The following NTM variants were observed in gnomAD, a reference collection of about 807,000 sequenced individuals.
NTM encodes neurotrimin, also known as IgLON family member 2.
In NTM, 13 loss-of-function variants were observed where a neutral mutation model predicts 42.1. That is an observed-to-expected ratio of 0.31 (90% confidence interval 0.20 to 0.49). NTM has a LOEUF of 0.49. Among genes scored for constraint, NTM ranks in the 20% least tolerant of loss-of-function variants. NTM has a pLI of 0.99. For synonymous variants in NTM, 187 were observed against 179.2 expected (o/e 1.04, Z -0.35); for missense variants, 373 against 452.8 (o/e 0.82, Z 1.60).
chr11:131,409,320 G>A (rs1946129596), intron 1 of NTM, among the ~76,000 whole-genome samples: 1 of 152,230 alleles, frequency 6.6e-6, no homozygotes, highest in Non-Finnish European at 1.5e-5. Flanking sequence ...CCTCATTGAA[G>A]CTGCCCCTGA....
intron 1 of NTM, among the ~76,000 whole-genome samples, chr11:131,542,704 C>T (rs1248719686): frequency 6.6e-6 from 1 of 152,152 alleles, no homozygotes; most frequent in African/African-American, 2.4e-5. Flanking sequence ...GCCTAAGTGT[C>T]TCCAGGTAGC....
chr11:131,450,696 C>T (rs889256720), intron 1 of NTM, among the ~76,000 whole-genome samples: 1 of 152,188 alleles, frequency 6.6e-6, no homozygotes, highest in Non-Finnish European at 1.5e-5. Context: ...TAGTTTTTAA[C>T]ACAGCACTTC....
chr11:131,485,066 A>G (rs1007341276), intron 1 of NTM, among the ~76,000 whole-genome samples: 2 of 152,196 alleles, frequency 1.3e-5, no homozygotes, highest in Non-Finnish European at 2.9e-5. Context: ...ATTAGCATAG[A>G]GTCTGTAGTA....
intron 1 of NTM, among the ~76,000 whole-genome samples, chr11:131,886,226 C>G (rs1273464734): frequency 1.3e-5 from 2 of 152,154 alleles, no homozygotes; most frequent in Non-Finnish European, 2.9e-5. Flanking sequence ...TGCCATGCAT[C>G]TGTTTGTAAT....
chr11:131,794,481 T>C (rs534118765), intron 1 of NTM: 2 of 985,302 alleles, frequency 2.0e-6, no homozygotes, highest in South Asian at 4.7e-5. Flanking sequence ...ACCCGCCGTT[T>C]ACTACTTTGT....
chr11:131,620,769 T>A (rs2062445230), intron 1 of NTM, among the ~76,000 whole-genome samples: 1 of 152,240 alleles, frequency 6.6e-6, no homozygotes, highest in African/African-American at 2.4e-5. Flanking sequence ...CGTAGTGCTC[T>A]GGGATTGTAG....
At chr11:131,977,943 A>G (rs1835738698) in intron 2 of NTM, among the ~76,000 whole-genome samples, 1 of 152,226 alleles carries the variant, frequency 6.6e-6, no homozygotes. Context: ...AAAGTTGCCC[A>G]GATTAATTAC....
chr11:131,558,139 C>T (rs1042466986), intron 1 of NTM, among the ~76,000 whole-genome samples: 33 of 152,140 alleles, frequency 2.2e-4, no homozygotes, highest in South Asian at 8.3e-4. Flanking sequence ...CTGTGCAAGG[C>T]GGATGCTTGA....
At chr11:131,841,200 A>G (rs1029791417) in intron 1 of NTM, among the ~76,000 whole-genome samples, 1 of 152,212 alleles carries the variant, frequency 6.6e-6, no homozygotes, top group Non-Finnish European at 1.5e-5. Context: ...ACCAATAGCT[A>G]TAATAAATTG....
intron 2 of NTM, among the ~76,000 whole-genome samples, chr11:131,995,722 A>T (rs2067880393): frequency 6.6e-6 from 1 of 152,190 alleles, no homozygotes; most frequent in South Asian, 2.1e-4. Flanking sequence ...CCACCAAGAC[A>T]ACGAATGAAG....
intron 1 of NTM, among the ~76,000 whole-genome samples, chr11:131,755,368 G>T (rs1266935615): frequency 6.6e-6 from 1 of 152,104 alleles, no homozygotes; most frequent in African/African-American, 2.4e-5. Flanking sequence ...GGAGAACAAT[G>T]ACCTTCCCCT....
intron 4 of NTM, among the ~76,000 whole-genome samples, chr11:132,219,503 T>G (rs2084659976): frequency 6.6e-6 from 1 of 151,770 alleles, no homozygotes; most frequent in African/African-American, 2.4e-5. Context: ...CTCTCTTAAT[T>G]TAATATGTAT....
intron 1 of NTM, among the ~76,000 whole-genome samples, chr11:131,681,303 GTGTC>G (rs2072743153): frequency 3.9e-5 from 1 of 25,388 alleles, no homozygotes; most frequent in African/African-American, 9.3e-5. Flanking sequence ...GTGTGTTTCT[GTGTC>G]TGTATGTCTG....
intron 1 of NTM, among the ~76,000 whole-genome samples, chr11:131,735,604 G>A (rs2080311757): frequency 6.6e-6 from 1 of 152,192 alleles, no homozygotes; most frequent in African/African-American, 2.4e-5. Flanking sequence ...AAGTGTTTTT[G>A]AGTTTGAGCA....
intron 1 of NTM, among the ~76,000 whole-genome samples, chr11:131,541,552 G>A (rs1439147483): frequency 6.6e-6 from 1 of 151,736 alleles, no homozygotes; most frequent in Admixed American, 6.6e-5. Context: ...GCTATGTAAA[G>A]CCAGTCAATT....
intron 1 of NTM, among the ~76,000 whole-genome samples, chr11:131,644,724 A>G (rs1461247420): frequency 1.3e-5 from 2 of 152,130 alleles, no homozygotes; most frequent in Admixed American, 6.5e-5. Flanking sequence ...TTTTATCAAC[A>G]TGATGGATTT....
At chr11:131,615,734 T>C (rs2061866601) in intron 1 of NTM, among the ~76,000 whole-genome samples, 4 of 152,170 alleles carry the variant, frequency 2.6e-5, no homozygotes, top group Admixed American at 1.3e-4. Flanking sequence ...ATGGCTCCCG[T>C]CAGCTCCCAG....
At chr11:132,269,274 G>C (rs945375696) in intron 4 of NTM, among the ~76,000 whole-genome samples, 3 of 151,802 alleles carry the variant, frequency 2.0e-5, no homozygotes, top group African/African-American at 7.3e-5. Context: ...GACAGAGAGG[G>C]CAATACTAGT....
At chr11:131,892,498 AAAGT>A (rs1233234714) in intron 1 of NTM, among the ~76,000 whole-genome samples, 4 of 152,200 alleles carry the variant, frequency 2.6e-5, no homozygotes, top group Non-Finnish European at 5.9e-5. Context: ...TTCTAATTTA[AAAGT>A]AAGGCATGCA....
Sources: allele counts gnomAD v4.1 joint callset (sites outside exome capture counted in the v4.1 genomes callset), GRCh38; gene constraint gnomAD v4.1.1; transcripts MANE v1.5; gene names NCBI Gene and HGNC (gene_info 2026-07-23, HGNC 2026-07-21).